RCAN2: variants seen among roughly 807,000 people sequenced by gnomAD.
RCAN2 encodes calcipressin-2.
In RCAN2, 9 loss-of-function variants were observed where a neutral mutation model predicts 23.6. The ratio of observed to expected loss-of-function variants is 0.38; its 90% CI spans 0.23 to 0.67. The LOEUF (loss-of-function observed/expected upper bound fraction) is 0.67. RCAN2 is among the 30% of genes least tolerant of loss of function. The pLI is 0.51. For synonymous variants in RCAN2, 109 were observed against 115.7 expected (o/e 0.94, Z 0.37); for missense variants, 273 against 302.3 (o/e 0.90, Z 0.72).
At chr6:46,472,963 C>T (rs1014646010) in intron 1 of RCAN2, among the ~76,000 whole-genome samples, 4 of 152,096 alleles carry the variant, frequency 2.6e-5, no homozygotes, top group Non-Finnish European at 4.4e-5. Context: ...AGAAAAAGTC[C>T]CTTCATGGGA....
intron 2 of RCAN2, among the ~76,000 whole-genome samples, chr6:46,402,298 T>C (rs1406514625): frequency 6.6e-6 from 1 of 152,044 alleles, no homozygotes; most frequent in African/African-American, 2.4e-5. Context: ...GTGTGTTGTG[T>C]GTGTACACCG....
At chr6:46,307,080 T>C (rs1394536868) in intron 2 of RCAN2, among the ~76,000 whole-genome samples, 1 of 152,114 alleles carries the variant, frequency 6.6e-6, no homozygotes, top group Admixed American at 6.6e-5. Flanking sequence ...CATGCAGAAC[T>C]AGCTTGTGTC....
intron 2 of RCAN2, among the ~76,000 whole-genome samples, chr6:46,286,661 C>A (rs1762384667): frequency 6.6e-6 from 1 of 152,152 alleles, no homozygotes; most frequent in African/African-American, 2.4e-5. Flanking sequence ...AATATTCCAA[C>A]AGTTTCTCTC....
chr6:46,331,077 T>C (rs1446086436), intron 2 of RCAN2, among the ~76,000 whole-genome samples: 1 of 152,262 alleles, frequency 6.6e-6, no homozygotes, highest in East Asian at 1.9e-4. Flanking sequence ...CCTTCATTTA[T>C]TCATGGAACA....
intron 2 of RCAN2, among the ~76,000 whole-genome samples, chr6:46,421,481 T>C (rs781443079): frequency 6.6e-6 from 1 of 152,166 alleles, no homozygotes; most frequent in Non-Finnish European, 1.5e-5. Context: ...GATAAAGAAT[T>C]TGACTTTTGA....
intron 2 of RCAN2, among the ~76,000 whole-genome samples, chr6:46,437,003 C>T (rs982105274): frequency 2.0e-5 from 3 of 152,210 alleles, no homozygotes; most frequent in Non-Finnish European, 4.4e-5. Context: ...TCTGTCATCT[C>T]CAGACACTAT....
At chr6:46,369,331 C>G (rs1323757497) in intron 2 of RCAN2, among the ~76,000 whole-genome samples, 6 of 152,102 alleles carry the variant, frequency 3.9e-5, no homozygotes, top group Non-Finnish European at 1.5e-5. Context: ...AGAGTGCACT[C>G]TAAAGCAACA....
intron 2 of RCAN2, chr6:46,325,682 G>A (rs1763774303): frequency 7.3e-6 from 10 of 1,371,654 alleles, no homozygotes; most frequent in South Asian, 1.8e-5. Flanking sequence ...CGAACGGCCC[G>A]GCTCGCTCAT....
chr6:46,286,877 C>T (rs777628604), intron 2 of RCAN2, among the ~76,000 whole-genome samples: 9 of 152,102 alleles, frequency 5.9e-5, no homozygotes, highest in South Asian at 2.1e-4. Flanking sequence ...TGGTGGCACA[C>T]GCCCGTAATC....
chr6:46,451,944 G>C (rs895886382), intron 2 of RCAN2, among the ~76,000 whole-genome samples: 18 of 152,148 alleles, frequency 1.2e-4, no homozygotes, highest in Admixed American at 2.6e-4. Context: ...ATGTCTGTCT[G>C]TGTGTGTAAG....
chr6:46,251,572 T>C (rs1369959564), intron 2 of RCAN2, among the ~76,000 whole-genome samples: 1 of 152,190 alleles, frequency 6.6e-6, no homozygotes, highest in Non-Finnish European at 1.5e-5. Context: ...GTCTAGCTTT[T>C]GAAAGCGAGG....
intron 2 of RCAN2, among the ~76,000 whole-genome samples, chr6:46,263,388 A>G (rs1322248854): frequency 6.6e-6 from 1 of 151,950 alleles, no homozygotes; most frequent in Non-Finnish European, 1.5e-5. Context: ...TTGAGCTTTA[A>G]TCTCCAATTC....
At position 46,221,793 on chromosome 6, in the gene RCAN2, C is replaced by G; in HGVS notation, c.*1348G>C. 2.5e-6 allele frequency: 1 copy of G among 396,302 alleles called. No homozygotes were observed. Among genetic ancestry groups the G allele is most frequent in the Non-Finnish European group, 4.4e-6 (1 of 224,930 alleles). 24.5% of individuals were successfully genotyped at this position (396,302 alleles called of 1,614,324 possible). On this transcript the variant is annotated 3_prime_UTR_variant, in exon 5 of 5. Coordinates refer to ENST00000371374, the MANE Select transcript of RCAN2 (RefSeq NM_001251974.2). The stretch of plus-strand genomic sequence containing the variant: ...ATCTGCGTTTGCATCTAAAGTAATT[C>G]ATTAATGTACAGGAGTAGATGAGGC...
At chr6:46,348,616 G>T (rs151165628) in intron 2 of RCAN2, among the ~76,000 whole-genome samples, 1 of 152,202 alleles carries the variant, frequency 6.6e-6, no homozygotes, top group East Asian at 1.9e-4. Context: ...CCCACTGCTT[G>T]GTGAACTTTG....
intron 2 of RCAN2, among the ~76,000 whole-genome samples, chr6:46,407,451 C>A (rs1766434188): frequency 6.6e-6 from 1 of 152,168 alleles, no homozygotes; most frequent in African/African-American, 2.4e-5. Context: ...CGCAAGTCCC[C>A]ATGGAAAATT....
At chr6:46,357,551 C>T (rs1358643300) in intron 2 of RCAN2, among the ~76,000 whole-genome samples, 6 of 152,154 alleles carry the variant, frequency 3.9e-5, no homozygotes, top group African/African-American at 1.4e-4. Context: ...AGACATCAAA[C>T]ATTTATATAT....
intron 1 of RCAN2, among the ~76,000 whole-genome samples, chr6:46,475,902 T>C (rs1768700687): frequency 6.6e-6 from 1 of 152,170 alleles, no homozygotes; most frequent in Non-Finnish European, 1.5e-5. Flanking sequence ...TCACCCAAAA[T>C]GGGTCTTCTT....
At chr6:46,397,296 GATAAACA>G (rs1298042753) in intron 2 of RCAN2, among the ~76,000 whole-genome samples, 19 of 151,960 alleles carry the variant, frequency 1.3e-4, no homozygotes, top group African/African-American at 4.3e-4. Flanking sequence ...CCCACGCAGT[GATAAACA>G]GCTCTCTATT....
At chr6:46,403,255 G>A (rs1420519852) in intron 2 of RCAN2, among the ~76,000 whole-genome samples, 1 of 149,494 alleles carries the variant, frequency 6.7e-6, no homozygotes, top group African/African-American at 2.4e-5. Context: ...GTGAGCCACC[G>A]CGCCCAGCCT....
Sources: allele counts gnomAD v4.1 joint callset (sites outside exome capture counted in the v4.1 genomes callset), GRCh38; gene constraint gnomAD v4.1.1; transcripts MANE v1.5; gene names NCBI Gene and HGNC (gene_info 2026-07-23, HGNC 2026-07-21).